The following XYLT1 variants were observed in gnomAD, a reference collection of about 807,000 sequenced individuals.
XYLT1 encodes the protein beta-D-xylosyltransferase 1.
In XYLT1, 36 loss-of-function variants were observed where a neutral mutation model predicts 91.3. The ratio of observed to expected loss-of-function variants is 0.39; its 90% CI spans 0.30 to 0.52. The LOEUF is 0.52. XYLT1 is among the 20% of genes least tolerant of loss of function. The pLI is 0.68. For synonymous variants in XYLT1, 588 were observed against 532.0 expected (o/e 1.11, Z -1.45); for missense variants, 1,242 against 1,284.5 (o/e 0.97, Z 0.51).
chr16:17,432,926 C>T (rs570202246), intron 1 of XYLT1, among the ~76,000 whole-genome samples: 9 of 152,172 alleles, frequency 5.9e-5, no homozygotes, highest in South Asian at 2.1e-4. Context: ...TTACAGTGAA[C>T]GATGAATTCA....
At chr16:17,166,116 C>T (rs952573949) in intron 5 of XYLT1, among the ~76,000 whole-genome samples, 1 of 152,180 alleles carries the variant, frequency 6.6e-6, no homozygotes, top group Admixed American at 6.5e-5. Flanking sequence ...CCCCAAAGGA[C>T]CAACCACCAG....
chr16:17,424,867 CAAAAAAAAAAA>C (rs57342754), intron 1 of XYLT1, among the ~76,000 whole-genome samples: 1 of 76,158 alleles, frequency 1.3e-5, no homozygotes, highest in Non-Finnish European at 2.5e-5. Context: ...GACTCCATCT[CAAAAAAAAAAA>C]AAAAAAAAAA....
chr16:17,137,451 TAGTGACCTC>T (rs2030779669), intron 8 of XYLT1: 1 of 152,282 alleles, frequency 6.6e-6, no homozygotes, highest in African/African-American at 2.4e-5. Flanking sequence ...ACGGTGGCTC[TAGTGACCTC>T]AGAGTGATTC....
chr16:17,169,965 T>C (rs1024991017), intron 5 of XYLT1, among the ~76,000 whole-genome samples: 1 of 152,238 alleles, frequency 6.6e-6, no homozygotes, highest in African/African-American at 2.4e-5. Flanking sequence ...AAAGCTGTTT[T>C]CAGAGAGGTG....
rs1325018498 is a variant in XYLT1, at chr16:17,138,651, T to G, written c.1588-120A>C. ...TAAGAACTGGTTGTTTAAAAGAATG[T>G]GGCATCTCATCAGAAGCTGGGCGGC... On this transcript the variant is annotated intron_variant, in intron 7 of 11. Coordinates refer to ENST00000261381, the MANE Select transcript of XYLT1 (RefSeq NM_022166.4). 7 of 1,220,856 alleles carry G rather than the reference T, an allele frequency of 5.7e-6. No individual in the cohort carries two copies. In the East Asian group the frequency reaches 1.5e-4, roughly 26 times the overall value. 75.6% of individuals were successfully genotyped at this position (1,220,856 alleles called of 1,614,324 possible).
chr16:17,429,702 C>G (rs2036365996), intron 1 of XYLT1, among the ~76,000 whole-genome samples: 1 of 152,070 alleles, frequency 6.6e-6, no homozygotes, highest in African/African-American at 2.4e-5. Context: ...ATGGAGGGCC[C>G]ACAAAGAGGG....
intron 8 of XYLT1, among the ~76,000 whole-genome samples, chr16:17,137,900 C>T (rs1469740583): frequency 6.6e-6 from 1 of 152,098 alleles, no homozygotes; most frequent in Non-Finnish European, 1.5e-5. Context: ...CAGCATGTCC[C>T]AACAGAGAAT....
intron 3 of XYLT1, among the ~76,000 whole-genome samples, chr16:17,216,760 TAGC>T (rs1158384120): frequency 6.6e-6 from 1 of 152,166 alleles, no homozygotes; most frequent in Non-Finnish European, 1.5e-5. Flanking sequence ...GATCAAATGC[TAGC>T]AAGTAATGGA....
Position 17,345,205 on chromosome 16 carries a change from G to A in XYLT1, c.402+12807C>T, listed in dbSNP as rs572220799. ...TTCTGGGCTTCACTCATGTGGTGAC[G>A]ACACAGTTCATCTCTGAACTGCACG... On this transcript the variant is annotated intron_variant, in intron 2 of 11. Coordinates refer to ENST00000261381, the MANE Select transcript of XYLT1 (RefSeq NM_022166.4). 3.5e-4 allele frequency among the ~76,000 whole-genome samples: 53 copies of A among 152,334 alleles called. No individual in the cohort carries two copies. The South Asian group carries it at 5.2e-3, about 15-fold the overall frequency.
intron 2 of XYLT1, among the ~76,000 whole-genome samples, chr16:17,356,590 G>A (rs2035297992): frequency 6.6e-6 from 1 of 152,104 alleles, no homozygotes; most frequent in African/African-American, 2.4e-5. Context: ...CAAGGAGAGG[G>A]CAAGGACCCA....
intron 1 of XYLT1, among the ~76,000 whole-genome samples, chr16:17,457,335 A>G (rs2036757822): frequency 6.6e-6 from 1 of 152,130 alleles, no homozygotes; most frequent in Non-Finnish European, 1.5e-5. Flanking sequence ...ACCCACCTTC[A>G]TTGGAGGGCT....
chr16:17,276,473 C>T (rs912028757), intron 2 of XYLT1, among the ~76,000 whole-genome samples: 1 of 152,208 alleles, frequency 6.6e-6, no homozygotes, highest in Non-Finnish European at 1.5e-5. Context: ...AGCTGCTGTT[C>T]ACAAGATGGA....
chr16:17,318,565 AG>A (rs546733664), intron 2 of XYLT1, among the ~76,000 whole-genome samples: 1 of 152,210 alleles, frequency 6.6e-6, no homozygotes, highest in South Asian at 2.1e-4. Flanking sequence ...TTTGTGCTTT[AG>A]CAAAATGCAA....
At chr16:17,243,755 G>A (rs925724395) in intron 3 of XYLT1, among the ~76,000 whole-genome samples, 6 of 152,200 alleles carry the variant, frequency 3.9e-5, no homozygotes, top group Admixed American at 1.3e-4. Context: ...TCAGGCTGGG[G>A]AGAGGGGTCT....
chr16:17,379,755 T>A (rs541307970), intron 1 of XYLT1, among the ~76,000 whole-genome samples: 17,721 of 126,812 alleles, frequency 0.14, 1,338 homozygotes, highest in Non-Finnish European at 0.18. Flanking sequence ...TCTCTCTCTC[T>A]CTCTCTCTCA....
rs543883854 is a variant in XYLT1, at chr16:17,206,639, G to A, written c.914-5985C>T. Among the ~76,000 whole-genome samples, 113 of 152,316 alleles carry A rather than the reference G, an allele frequency of 7.4e-4. 2 individuals carry two copies. Among genetic ancestry groups the A allele is most frequent in the African/African-American group, 2.6e-3 (106 of 41,568 alleles). On this transcript the variant is annotated intron_variant, in intron 3 of 11. Transcript: ENST00000261381. ...TAATTCCAGCTACCCTGGAGGCTGA[G>A]GCAGAAGGACTGCTTGAGTCCAGGA...
intron 3 of XYLT1, among the ~76,000 whole-genome samples, chr16:17,232,936 C>T (rs1567334291): frequency 6.6e-6 from 1 of 152,068 alleles, no homozygotes; most frequent in Non-Finnish European, 1.5e-5. Flanking sequence ...CACTGATTGC[C>T]CCCTTTGGGC....
chr16:17,456,787 C>T (rs936488068), intron 1 of XYLT1, among the ~76,000 whole-genome samples: 3 of 152,188 alleles, frequency 2.0e-5, no homozygotes, highest in African/African-American at 7.2e-5. Flanking sequence ...TCTGTGACTG[C>T]AGGTGATTTC....
chr16:17,165,509 AC>A (rs1417177432), intron 5 of XYLT1, among the ~76,000 whole-genome samples: 2 of 149,312 alleles, frequency 1.3e-5, no homozygotes, highest in Non-Finnish European at 2.9e-5. Context: ...ACATGGTGAA[AC>A]CTGGTCTCTA....
Sources: gnomAD v4.1 joint callset for allele counts (sites outside exome capture counted in the v4.1 genomes callset) on GRCh38, gnomAD v4.1.1 for gene constraint, MANE v1.5 for transcripts, NCBI Gene and HGNC (gene_info 2026-07-23, HGNC 2026-07-21) for gene names.